Variants in TOGARAM2 observed in about 807,000 individuals in gnomAD.
TOGARAM2 encodes TOG array regulator of axonemal microtubules 2.
TOGARAM2 carries 85 observed loss-of-function variants against 93.3 expected under a neutral mutation model. The observed-to-expected ratio is 0.91, with a 90% CI of 0.76 to 1.09. The LOEUF (loss-of-function observed/expected upper bound fraction) is 1.09. TOGARAM2 is among the 50% of genes least tolerant of loss of function. The pLI, the probability that TOGARAM2 is intolerant of heterozygous loss-of-function variation, is 0.00. For synonymous variants in TOGARAM2, 593 were observed against 552.8 expected, an observed-to-expected ratio of 1.07 and a Z score of -1.02; for missense variants, 1,277 against 1,334.5, an observed-to-expected ratio of 0.96 and a Z score of 0.67.
Position 29,032,681 on chromosome 2 carries a change from C to T in TOGARAM2, c.2013-253C>T, listed in dbSNP as rs1665839636. 7.1e-6 allele frequency: 3 copies of T among 419,968 alleles called. No individual in the cohort carries two copies. The Admixed American group carries it at 1.2e-4, about 17-fold the overall frequency. The allele number at this position is 419,968 out of a possible 1,614,324, so 26.0% of individuals were successfully genotyped here. A position where few individuals can be genotyped will look rare whatever the true frequency, so the allele number is the denominator to read the frequency against. On this transcript the variant is annotated intron_variant, in intron 14 of 19. Transcript: ENST00000379558. ...ACTTGTATATACATTCTGATATCAA[C>T]TAGAAAGTAAATGCCACAGAAAAAA...
At chr2:29,040,590 T>C (rs1336054226) in intron 18 of TOGARAM2, among the ~76,000 whole-genome samples, 1 of 152,212 alleles carries the variant, frequency 6.6e-6, no homozygotes, top group African/African-American at 2.4e-5. Flanking sequence ...GATTCATTCC[T>C]TGTTTATGAG....
At chr2:29,021,528 A>G (rs1191504427) in intron 10 of TOGARAM2, among the ~76,000 whole-genome samples, 2 of 152,192 alleles carry the variant, frequency 1.3e-5, no homozygotes, top group East Asian at 1.9e-4. Context: ...TGATTTCAGC[A>G]TCTGTCTCCT....
chr2:28,980,464 A>G (rs1297899701), upstream of TOGARAM2, among the ~76,000 whole-genome samples: 1 of 152,226 alleles, frequency 6.6e-6, no homozygotes, highest in African/African-American at 2.4e-5. Context: ...GGGAAAATTC[A>G]TAGTATCTTT....
chr2:28,987,390 C>T (rs946495743), intron 1 of TOGARAM2, among the ~76,000 whole-genome samples: 14 of 152,160 alleles, frequency 9.2e-5, no homozygotes, highest in East Asian at 3.9e-4. Context: ...CCCAGGTTCA[C>T]GCCATTCTCC....
At chr2:29,022,069 CT>C in intron 10 of TOGARAM2, 88 bp from the exon 11 acceptor site, 1 of 1,568,792 alleles carries the variant, frequency 6.4e-7, no homozygotes, top group Non-Finnish European at 8.7e-7. Context: ...GTGGCACGGC[CT>C]CCCATGGTGA....
chr2:28,959,808 T>C (rs1459940386), intron 1 of TOGARAM2, among the ~76,000 whole-genome samples: 1 of 152,232 alleles, frequency 6.6e-6, no homozygotes, highest in Non-Finnish European at 1.5e-5. Context: ...TAAAACACTG[T>C]TGATATAGTC....
At position 29,035,674 on chromosome 2, in the gene TOGARAM2, T is replaced by G. The variant is rs1232289105; in HGVS notation, c.2418+18T>G. ...TGGTCCAGGTGAGCACCGCTTGCTT[T>G]TACTCTCCCACCTGTCTCTCCTCTG... On this transcript the variant is annotated intron_variant, in intron 17 of 19. Coordinates refer to ENST00000379558, the MANE Select transcript of TOGARAM2 (RefSeq NM_199280.4). The G allele has an allele frequency of 2.2e-6, 3 of 1,386,414 alleles. No homozygotes were observed. The highest frequency in any genetic ancestry group is 1.5e-5 in the African/African-American group (1 of 68,756). 85.9% of individuals were successfully genotyped at this position (1,386,414 alleles called of 1,614,324 possible). A position where few individuals can be genotyped will look rare whatever the true frequency, so the allele number is the denominator to read the frequency against.
intron 18 of TOGARAM2, 53 bp downstream of exon 18, chr2:29,036,810 G>C: frequency 6.5e-7 from 1 of 1,545,708 alleles, no homozygotes; most frequent in African/African-American, 1.4e-5. Flanking sequence ...CCACCCTCCT[G>C]CTTGGAAATC....
intron 9 of TOGARAM2, 148 bp from the exon 10 acceptor site, chr2:29,017,644 C>T (rs1442764844): frequency 2.6e-6 from 2 of 762,196 alleles, no homozygotes; most frequent in Non-Finnish European, 4.0e-6. Context: ...CTCCTGGCCT[C>T]AAGCCATCCT....
At chr2:29,036,903 C>A in intron 18 of TOGARAM2, 146 bp downstream of exon 18, 1 of 762,524 alleles carries the variant, frequency 1.3e-6, no homozygotes, top group Non-Finnish European at 2.1e-6. Context: ...AGCCCAGGGC[C>A]TCCAAGGCTC....
At chr2:28,980,846 G>C (rs1238599276), upstream of TOGARAM2, among the ~76,000 whole-genome samples, 6 of 152,166 alleles carry the variant, frequency 3.9e-5, no homozygotes, top group Admixed American at 6.5e-5. Flanking sequence ...AGTACTATTG[G>C]TGTACCCATT....
At chr2:29,001,458 C>T (rs1206082284) in intron 4 of TOGARAM2, among the ~76,000 whole-genome samples, 1 of 151,750 alleles carries the variant, frequency 6.6e-6, no homozygotes, top group Non-Finnish European at 1.5e-5. Context: ...GCCTCAGTCT[C>T]CTGAGTTGCT....
intron 17 of TOGARAM2, 96 bp from the exon 18 acceptor site, chr2:29,036,445 G>T: frequency 1.8e-6 from 2 of 1,104,956 alleles, no homozygotes; most frequent in Admixed American, 1.9e-5. Context: ...TGCTGAGGTC[G>T]CTCAGTTGGG....
At chr2:29,009,044 AGGTG>A (rs1664054610) in intron 6 of TOGARAM2, among the ~76,000 whole-genome samples, 1 of 152,256 alleles carries the variant, frequency 6.6e-6, no homozygotes, top group Admixed American at 6.5e-5. Flanking sequence ...ACTATGTGCC[AGGTG>A]CATAGGTCAC....
At chr2:29,016,888 C>T (rs1050687664) in intron 8 of TOGARAM2, among the ~76,000 whole-genome samples, 9 of 152,216 alleles carry the variant, frequency 5.9e-5, no homozygotes, top group East Asian at 1.9e-4. Flanking sequence ...TTCACCTCCT[C>T]GGGGAGTCCC....
intron 1 of TOGARAM2, among the ~76,000 whole-genome samples, chr2:28,963,450 C>T (rs963521588): frequency 1.3e-5 from 2 of 152,354 alleles, no homozygotes; most frequent in African/African-American, 2.4e-5. Context: ...TCAGAGTTCA[C>T]TGCAGCCTCC....
chr2:29,012,466 C>T lies in TOGARAM2; in HGVS notation c.877+965C>T, dbSNP rs558453720. On this transcript the variant is annotated intron_variant, in intron 7 of 19. Transcript: ENST00000379558. ...CAGGGTGAGCTCAGGCAGTCTGTGG[C>T]GAAATGCACCGGCACCCTGAGTGAC... Among the ~76,000 whole-genome samples, 7 of 152,250 alleles carry T rather than the reference C, an allele frequency of 4.6e-5. No homozygotes were observed. The South Asian group carries it at 1.2e-3, about 27-fold the overall frequency.
chr2:29,011,325 G>A, intron 6 of TOGARAM2, 130 bp from the exon 7 acceptor site: 1 of 718,900 alleles, frequency 1.4e-6, no homozygotes. Context: ...GCCTCTGCAG[G>A]GATAACAGTG....
At chr2:28,997,951 G>T (rs940538428) in intron 2 of TOGARAM2, among the ~76,000 whole-genome samples, 192 bp from the exon 3 acceptor site, 1 of 152,216 alleles carries the variant, frequency 6.6e-6, no homozygotes, top group African/African-American at 2.4e-5. Flanking sequence ...GGGATTTGGT[G>T]GAGATCACAG....
Sources: allele counts gnomAD v4.1 joint callset (sites outside exome capture counted in the v4.1 genomes callset), GRCh38; gene constraint gnomAD v4.1.1; transcripts MANE v1.5; gene names NCBI Gene and HGNC (gene_info 2026-07-23, HGNC 2026-07-21).